Variants in ACMSD observed in about 807,000 individuals in gnomAD.
ACMSD encodes the protein 2-amino-3-carboxymuconate-6-semialdehyde decarboxylase.
ACMSD carries 37 observed loss-of-function variants against 45.9 expected under a neutral mutation model. The ratio of observed to expected loss-of-function variants is 0.81; its 90% CI spans 0.62 to 1.06. The LOEUF is 1.06. ACMSD is among the 50% of genes least tolerant of loss of function. The pLI, the probability that ACMSD is intolerant of heterozygous loss-of-function variation, is 0.00. For missense variants in ACMSD, 434 were observed against 420.9 expected (o/e 1.03, Z -0.27); for synonymous variants, 138 against 148.8 (o/e 0.93, Z 0.53).
intron 9 of ACMSD, among the ~76,000 whole-genome samples, chr2:134,901,440 CT>C (rs1665991559): frequency 6.6e-6 from 1 of 152,146 alleles, no homozygotes; most frequent in South Asian, 2.1e-4. Context: ...TTTTGAGCAC[CT>C]TTTGCAGCCC....
chr2:134,861,884 C>T (rs1363333128), intron 3 of ACMSD, 85 bp from the exon 4 acceptor site: 1 of 1,473,180 alleles, frequency 6.8e-7, no homozygotes, highest in East Asian at 2.3e-5. Context: ...AGGGTGGAGG[C>T]TTGCTGCCGC....
intron 8 of ACMSD, among the ~76,000 whole-genome samples, chr2:134,891,453 G>A (rs1573719426): frequency 6.6e-6 from 1 of 151,970 alleles, no homozygotes; most frequent in Admixed American, 6.6e-5. Flanking sequence ...TTCAAAAGAA[G>A]ACATACAAAT....
intron 2 of ACMSD, among the ~76,000 whole-genome samples, chr2:134,850,742 T>C (rs1055592386): frequency 1.3e-5 from 2 of 152,220 alleles, no homozygotes; most frequent in Non-Finnish European, 2.9e-5. Flanking sequence ...ACAATTTTCT[T>C]GGACCAGCAC....
At chr2:134,882,347 G>C (rs1689085638) in intron 8 of ACMSD, among the ~76,000 whole-genome samples, 1 of 152,114 alleles carries the variant, frequency 6.6e-6, no homozygotes, top group Non-Finnish European at 1.5e-5. Flanking sequence ...TCTACTACTA[G>C]TTAGGTGGTG....
intron 4 of ACMSD, chr2:134,862,952 C>A: frequency 8.1e-6 from 8 of 985,288 alleles, no homozygotes; most frequent in Non-Finnish European, 9.6e-6. Context: ...CAGGCAGGGG[C>A]AGGACAAGTC....
rs745434636 is a variant in ACMSD, at chr2:134,870,950, T to C, written c.581-15T>C. 2.5e-6 allele frequency: 4 copies of C among 1,609,296 alleles called. 1 individual carries two copies. In the South Asian group the frequency reaches 4.4e-5, roughly 18 times the overall value. On this transcript the variant is annotated splice_polypyrimidine_tract_variant and intron_variant, in intron 6 of 9. Coordinates refer to ENST00000356140, the MANE Select transcript of ACMSD (RefSeq NM_138326.3). The stretch of plus-strand genomic sequence containing the variant: ...GGTGATCATCCCTGAACCTTGTGAC[T>C]ATTTCCTCTTTCAGGAATGCCAGCA...
chr2:134,899,015 C>A (rs1293554995), intron 9 of ACMSD, among the ~76,000 whole-genome samples: 2 of 152,020 alleles, frequency 1.3e-5, no homozygotes, highest in African/African-American at 4.8e-5. Context: ...CTCTCCTTTG[C>A]CACTCCTTCC....
At position 134,863,431 on chromosome 2, in the gene ACMSD, T is replaced by G; in HGVS notation, c.286T>G (p.Leu96Val). The change falls in exon 5 of 10, where the codon TTA (leucine) becomes GTA (valine). Residue 96 changes from leucine (L) to valine (V), a missense_variant. Physicochemically the swap from Leu to Val is conservative, Grantham distance 32. Coordinates refer to ENST00000356140, the MANE Select transcript of ACMSD (RefSeq NM_138326.3). ...PEDTLNLCQLLNNDLASTVVS... is the reference protein window; with the variant it reads ...PEDTLNLCQLVNNDLASTVVS... ...GGACACTTTAAACCTGTGCCAGCTT[T>G]TAAACAACGACCTTGCCAGCACCGT... The G allele has an allele frequency of 6.2e-7, 1 of 1,614,226 alleles. No homozygotes were observed. The highest frequency in any genetic ancestry group is 8.5e-7 in the Non-Finnish European group (1 of 1,180,042).
intron 2 of ACMSD, among the ~76,000 whole-genome samples, chr2:134,849,272 C>CTTAT (rs10622482): frequency 0.59 from 89,058 of 151,472 alleles, 27,921 homozygotes; most frequent in Middle Eastern, 0.91. Flanking sequence ...CATCTACTGA[C>CTTAT]TTATTTCCAG....
At chr2:134,872,677 A>G (rs772967723) in intron 8 of ACMSD, 36 bp downstream of exon 8, 15 of 1,610,854 alleles carry the variant, frequency 9.3e-6, no homozygotes, top group Admixed American at 3.3e-5. Flanking sequence ...GCTTATGGGG[A>G]GCAGAATGCT....
intron 3 of ACMSD, among the ~76,000 whole-genome samples, chr2:134,860,004 A>C (rs1443256647): frequency 1.3e-5 from 2 of 152,226 alleles, no homozygotes; most frequent in African/African-American, 2.4e-5. Flanking sequence ...ATTTCAGAAA[A>C]GGCACAGTAA....
chr2:134,838,839 T>C, intron 1 of ACMSD, 100 bp downstream of exon 1: 1 of 887,188 alleles, frequency 1.1e-6, no homozygotes, highest in Non-Finnish European at 1.8e-6. Context: ...TTATCTGCTT[T>C]GGTGGGGGGC....
chr2:134,887,524 C>A (rs140333541), intron 8 of ACMSD, among the ~76,000 whole-genome samples: 651 of 152,318 alleles, frequency 4.3e-3, no homozygotes, highest in Non-Finnish European at 6.9e-3. Context: ...CTGCCTCAGC[C>A]TCCCAAGTAG....
intron 8 of ACMSD, among the ~76,000 whole-genome samples, chr2:134,878,226 A>T (rs1027136243): frequency 6.6e-6 from 1 of 152,210 alleles, no homozygotes; most frequent in Non-Finnish European, 1.5e-5. Flanking sequence ...GCTTCAGAGG[A>T]GGTCACTAGC....
chr2:134,839,693 G>A (rs1686695510), intron 1 of ACMSD, among the ~76,000 whole-genome samples: 1 of 152,100 alleles, frequency 6.6e-6, no homozygotes, highest in African/African-American at 2.4e-5. Flanking sequence ...TTGTCCATTG[G>A]TATCTTAGGT....
At chr2:134,863,669 A>G (rs781217670) in intron 5 of ACMSD, 38 bp downstream of exon 5, 9 of 1,606,472 alleles carry the variant, frequency 5.6e-6, no homozygotes, top group Non-Finnish European at 7.7e-6. Flanking sequence ...CCAGCCGCCC[A>G]GTGCCTGGGC....
intron 8 of ACMSD, among the ~76,000 whole-genome samples, chr2:134,895,442 A>G (rs147544922): frequency 5.2e-4 from 79 of 151,030 alleles, no homozygotes; most frequent in African/African-American, 1.8e-3. Context: ...TTGATTCAAA[A>G]ACTTAATGTT....
intron 5 of ACMSD, 146 bp downstream of exon 5, chr2:134,863,777 G>A: frequency 2.5e-6 from 2 of 806,580 alleles, no homozygotes; most frequent in Non-Finnish European, 3.9e-6. Context: ...GGTAGAAGGT[G>A]TGGAAATAGC....
intron 6 of ACMSD, among the ~76,000 whole-genome samples, chr2:134,870,521 C>T (rs1559054180): frequency 6.6e-6 from 1 of 152,178 alleles, no homozygotes; most frequent in African/African-American, 2.4e-5. Context: ...TGGCCGACAT[C>T]ATTATTTGCA....
Sources: allele counts gnomAD v4.1 joint callset (sites outside exome capture counted in the v4.1 genomes callset), GRCh38; gene constraint gnomAD v4.1.1; transcripts MANE v1.5; gene names NCBI Gene and HGNC (gene_info 2026-07-23, HGNC 2026-07-21).